SLC39A11: variants seen among roughly 807,000 people sequenced by gnomAD.
SLC39A11 encodes the protein solute carrier family 39 member 11.
In SLC39A11, 33 loss-of-function variants were observed where a neutral mutation model predicts 36.1. The observed-to-expected ratio is 0.91, with a 90% CI of 0.69 to 1.22. SLC39A11 has a LOEUF of 1.22. Ranked by LOEUF, SLC39A11 falls within the 50% of genes most tolerant of loss-of-function variation. SLC39A11 has a pLI of 0.00. For synonymous variants in SLC39A11, 166 were observed against 170.3 expected, an observed-to-expected ratio of 0.97 and a Z score of 0.20; for missense variants, 432 against 430.3, an observed-to-expected ratio of 1.00 and a Z score of -0.03.
rs117999892 is a variant in SLC39A11, at chr17:72,844,528, G to A, written c.601+5106C>T. On this transcript the variant is annotated intron_variant, in intron 6 of 9. Transcript: ENST00000255559. ...AACCAAAAATACAAAAAGTAGCCAG[G>A]TGTCGTGGCATGCGCCTGTAGTCCC... Among the ~76,000 whole-genome samples, 152 of 152,276 alleles carry A rather than the reference G, an allele frequency of 1.0e-3. 1 individual carries two copies. In the East Asian group the frequency reaches 0.024, roughly 24 times the overall value.
intron 7 of SLC39A11, among the ~76,000 whole-genome samples, chr17:72,728,183 A>C (rs574853017): frequency 6.6e-6 from 1 of 152,272 alleles, no homozygotes; most frequent in East Asian, 1.9e-4. Context: ...GTGGTGGCTC[A>C]CGCCTGTAAT....
intron 6 of SLC39A11, among the ~76,000 whole-genome samples, chr17:72,740,095 C>T (rs1386821074): frequency 9.0e-6 from 1 of 111,308 alleles, no homozygotes; most frequent in African/African-American, 3.6e-5. Context: ...TGGAGTCTCT[C>T]TCTGTCGCCC....
chr17:73,021,077 C>T (rs2058336073), intron 4 of SLC39A11, among the ~76,000 whole-genome samples: 1 of 152,278 alleles, frequency 6.6e-6, no homozygotes, highest in African/African-American at 2.4e-5. Flanking sequence ...AACTTCACTT[C>T]TCATTTCTTC....
At chr17:72,691,494 C>T (rs1173897976) in intron 7 of SLC39A11, among the ~76,000 whole-genome samples, 2 of 152,224 alleles carry the variant, frequency 1.3e-5, no homozygotes, top group African/African-American at 2.4e-5. Flanking sequence ...TGAACACCTA[C>T]TTTGTGCCAG....
At chr17:72,996,823 A>G (rs1453462009) in intron 4 of SLC39A11, among the ~76,000 whole-genome samples, 1 of 152,198 alleles carries the variant, frequency 6.6e-6, no homozygotes, top group Admixed American at 6.5e-5. Context: ...GGCTTCTACC[A>G]TGTGACTTGC....
chr17:72,707,061 T>C (rs891622743), intron 7 of SLC39A11, among the ~76,000 whole-genome samples: 6 of 152,158 alleles, frequency 3.9e-5, no homozygotes, highest in Non-Finnish European at 7.4e-5. Flanking sequence ...ATACAGTGGA[T>C]TTTTGAGAGT....
intron 6 of SLC39A11, among the ~76,000 whole-genome samples, chr17:72,842,734 A>G (rs1479661612): frequency 6.6e-6 from 1 of 152,176 alleles, no homozygotes; most frequent in Non-Finnish European, 1.5e-5. Context: ...CAAACACCCT[A>G]GACCACCCCC....
chr17:72,837,553 T>C (rs751915605), intron 6 of SLC39A11, among the ~76,000 whole-genome samples: 1 of 152,160 alleles, frequency 6.6e-6, no homozygotes, highest in South Asian at 2.1e-4. Context: ...CTCCAAGGTA[T>C]GTACCCAAGA....
chr17:72,792,892 A>G (rs1347045118), intron 6 of SLC39A11, among the ~76,000 whole-genome samples: 1 of 152,180 alleles, frequency 6.6e-6, no homozygotes. Context: ...TCACTAGCAT[A>G]TGGCACTGAC....
At chr17:73,007,477 A>G (rs1385662494) in intron 4 of SLC39A11, among the ~76,000 whole-genome samples, 1 of 152,236 alleles carries the variant, frequency 6.6e-6, no homozygotes, top group Non-Finnish European at 1.5e-5. Flanking sequence ...CATCATCATC[A>G]TGGACTAATG....
intron 6 of SLC39A11, chr17:72,838,047 G>T (rs1009644024): frequency 1.0e-5 from 12 of 1,175,068 alleles, no homozygotes; most frequent in Admixed American, 4.2e-5. Flanking sequence ...ACTATGGGAG[G>T]CTGAAGCAGG....
intron 6 of SLC39A11, among the ~76,000 whole-genome samples, chr17:72,781,029 C>A (rs1285645291): frequency 6.6e-6 from 1 of 152,176 alleles, no homozygotes; most frequent in Admixed American, 6.5e-5. Flanking sequence ...CAGCTTATTT[C>A]TTTACAGTCC....
At chr17:72,742,333 GC>G (rs2074746939) in intron 6 of SLC39A11, among the ~76,000 whole-genome samples, 4 of 152,274 alleles carry the variant, frequency 2.6e-5, no homozygotes, top group Admixed American at 2.0e-4. Context: ...CGTTTTTGCA[GC>G]CCGAGTCGTG....
At chr17:72,787,286 C>A (rs1242372347) in intron 6 of SLC39A11, among the ~76,000 whole-genome samples, 2 of 105,254 alleles carry the variant, frequency 1.9e-5, no homozygotes, top group East Asian at 6.0e-4. Flanking sequence ...GAGGCAGAGT[C>A]TCGCTCTGAT....
intron 5 of SLC39A11, among the ~76,000 whole-genome samples, chr17:72,861,500 G>GTTT (rs1278145729): frequency 6.6e-6 from 1 of 151,478 alleles, no homozygotes; most frequent in Non-Finnish European, 1.5e-5. Flanking sequence ...CCAGGAAGAT[G>GTTT]GGAATAAAGT....
intron 6 of SLC39A11, among the ~76,000 whole-genome samples, chr17:72,824,298 C>T (rs1288531322): frequency 1.3e-5 from 2 of 151,266 alleles, no homozygotes; most frequent in African/African-American, 4.8e-5. Flanking sequence ...GACATGCCTG[C>T]TTACCCTTTT....
intron 6 of SLC39A11, among the ~76,000 whole-genome samples, chr17:72,768,071 C>T (rs1306377072): frequency 6.6e-6 from 1 of 152,036 alleles, no homozygotes; most frequent in East Asian, 1.9e-4. Context: ...CTGAGTTGCT[C>T]CCTGGTGGGG....
At chr17:72,975,272 C>T (rs1364451341) in intron 4 of SLC39A11, among the ~76,000 whole-genome samples, 1 of 152,026 alleles carries the variant, frequency 6.6e-6, no homozygotes, top group Non-Finnish European at 1.5e-5. Context: ...AACCCTGTCC[C>T]TACTAAATAC....
chr17:72,925,739 ATTC>A (rs2084010787), intron 5 of SLC39A11, among the ~76,000 whole-genome samples: 1 of 152,242 alleles, frequency 6.6e-6, no homozygotes, highest in Admixed American at 6.5e-5. Context: ...TCCAAGCAGA[ATTC>A]TTCAAGGACG....
Sources: allele counts gnomAD v4.1 joint callset (sites outside exome capture counted in the v4.1 genomes callset), GRCh38; gene constraint gnomAD v4.1.1; transcripts MANE v1.5; gene names NCBI Gene and HGNC (gene_info 2026-07-23, HGNC 2026-07-21).